The following ADGRL3 variants were observed in gnomAD, a reference collection of about 807,000 sequenced individuals.
The protein encoded by ADGRL3 is adhesion G protein-coupled receptor L3, also known as calcium-independent alpha-latrotoxin receptor 3.
ADGRL3 carries 62 observed loss-of-function variants against 153.5 expected under a neutral mutation model. The observed-to-expected ratio is 0.40, with a 90% CI of 0.33 to 0.50. The LOEUF (loss-of-function observed/expected upper bound fraction) is 0.50, where lower values mean the gene tolerates loss of function less well. ADGRL3 is among the 20% of genes least tolerant of loss of function. The probability of loss-of-function intolerance (pLI) is 0.47; values close to 1 mark genes in which losing one functional copy is unlikely to be tolerated. For synonymous variants in ADGRL3, 710 were observed against 672.5 expected, an observed-to-expected ratio of 1.06 and a Z score of -0.86; for missense variants, 1,641 against 1,859.4, an observed-to-expected ratio of 0.88 and a Z score of 2.16.
At chr4:61,311,983 A>G (rs73216310) in intron 1 of ADGRL3, among the ~76,000 whole-genome samples, 2 of 152,148 alleles carry the variant, frequency 1.3e-5, no homozygotes, top group African/African-American at 2.4e-5. Context: ...CTATGCATCT[A>G]TGGGGCAGAG....
chr4:61,579,954 G>A (rs1244874419), intron 4 of ADGRL3, among the ~76,000 whole-genome samples: 1 of 152,010 alleles, frequency 6.6e-6, no homozygotes, highest in African/African-American at 2.4e-5. Context: ...AAGTGTTTTG[G>A]ATTAGATTTT....
At chr4:61,851,399 C>G (rs146067080) in intron 9 of ADGRL3, among the ~76,000 whole-genome samples, 1 of 151,772 alleles carries the variant, frequency 6.6e-6, no homozygotes, top group Non-Finnish European at 1.5e-5. Flanking sequence ...CCTGCCTGGA[C>G]AGCATAACGA....
intron 1 of ADGRL3, among the ~76,000 whole-genome samples, chr4:61,296,824 G>A (rs558545753): frequency 7.9e-5 from 12 of 152,072 alleles, no homozygotes; most frequent in East Asian, 7.7e-4. Context: ...ATATTACTTC[G>A]TGAAAGAAGC....
intron 11 of ADGRL3, among the ~76,000 whole-genome samples, chr4:61,904,269 T>A (rs1183983469): frequency 6.6e-6 from 1 of 151,968 alleles, no homozygotes; most frequent in Non-Finnish European, 1.5e-5. Flanking sequence ...ACTTTCTGGT[T>A]TATAAAACTG....
At chr4:61,333,341 G>T (rs150633914) in intron 1 of ADGRL3, among the ~76,000 whole-genome samples, 2 of 152,024 alleles carry the variant, frequency 1.3e-5, no homozygotes, top group African/African-American at 4.8e-5. Context: ...AACTAATGGG[G>T]TTCTGTTTTA....
chr4:61,571,281 C>A (rs1312306601), intron 4 of ADGRL3, among the ~76,000 whole-genome samples: 1 of 150,676 alleles, frequency 6.6e-6, no homozygotes, highest in East Asian at 2.0e-4. Context: ...TTCAGACTAG[C>A]CTGCACAACA....
At chr4:61,345,201 A>T (rs2095876873) in intron 1 of ADGRL3, among the ~76,000 whole-genome samples, 1 of 152,118 alleles carries the variant, frequency 6.6e-6, no homozygotes, top group South Asian at 2.1e-4. Flanking sequence ...GGATTTAAAA[A>T]TAATTATGTT....
rs78554301 is a variant in ADGRL3 at position 61,959,836 on chromosome 4, G to T, written c.2805+11560G>T. 2.7e-4 allele frequency among the ~76,000 whole-genome samples: 41 copies of T among 152,066 alleles called. No individual in the cohort carries two copies. The East Asian group carries it at 7.9e-3, about 29-fold the overall frequency. On this transcript the variant is annotated intron_variant, in intron 17 of 26. Coordinates refer to ENST00000683033, the MANE Select transcript of ADGRL3 (RefSeq NM_001387552.1). ...AAATATTGAATTTATGATGCTAAAG[G>T]TTGCACAATCCTATTCCTAGTTCTT...
At chr4:61,251,989 T>C (rs1320588766) in intron 1 of ADGRL3, among the ~76,000 whole-genome samples, 2 of 151,994 alleles carry the variant, frequency 1.3e-5, no homozygotes, top group African/African-American at 4.8e-5. Flanking sequence ...GTTCAGGCTA[T>C]TCTTCTGCCT....
At chr4:61,782,404 G>A (rs1472026807) in intron 8 of ADGRL3, among the ~76,000 whole-genome samples, 1 of 152,080 alleles carries the variant, frequency 6.6e-6, no homozygotes, top group Non-Finnish European at 1.5e-5. Flanking sequence ...ATTGCTTATG[G>A]TAATGAAGAA....
chr4:61,473,990 A>G (rs773023642), intron 2 of ADGRL3, among the ~76,000 whole-genome samples: 1 of 152,114 alleles, frequency 6.6e-6, no homozygotes, highest in Non-Finnish European at 1.5e-5. Context: ...AATTGTCAAT[A>G]GGCATTTTGA....
chr4:61,934,841 C>G lies in ADGRL3; in HGVS notation c.2114C>G (p.Ala705Gly). Residue 705 changes from alanine to glycine, a missense_variant and splice_region_variant, in exon 14 of 27, where the codon GCA becomes GGA. Physicochemically the swap from Ala to Gly is moderately conservative, Grantham distance 60 (BLOSUM62 0). Transcript: ENST00000683033. ...GTCATTCTTTTCATCCTCTTGTAGG[C>G]AATGGTCGAGACAGTTAACAACCTC... Reference protein sequence around the residue: ...RERSCRAYVQAMVETVNNLLQ... With the variant: ...RERSCRAYVQGMVETVNNLLQ... 1 of 1,612,790 alleles carries G rather than the reference C, an allele frequency of 6.2e-7. No homozygotes were observed. The highest frequency in any genetic ancestry group is 2.2e-5 in the East Asian group (1 of 44,856).
At chr4:61,444,226 G>A (rs1259950275) in intron 2 of ADGRL3, among the ~76,000 whole-genome samples, 3 of 152,160 alleles carry the variant, frequency 2.0e-5, no homozygotes, top group Non-Finnish European at 4.4e-5. Flanking sequence ...CTGATAAGCA[G>A]TTTTTAGAAA....
intron 6 of ADGRL3, among the ~76,000 whole-genome samples, chr4:61,719,940 C>A (rs1489354308): frequency 3.3e-5 from 5 of 152,006 alleles, no homozygotes; most frequent in African/African-American, 1.2e-4. Flanking sequence ...AATGCTGGCT[C>A]CTTGCTTTCC....
intron 9 of ADGRL3, among the ~76,000 whole-genome samples, chr4:61,855,857 C>T (rs1172153571): frequency 6.6e-6 from 1 of 151,700 alleles, no homozygotes; most frequent in Non-Finnish European, 1.5e-5. Context: ...GAGGATGTTA[C>T]AGTAGAAGGC....
chr4:61,828,796 C>T (rs755739030), intron 9 of ADGRL3, among the ~76,000 whole-genome samples: 10 of 152,202 alleles, frequency 6.6e-5, no homozygotes, highest in Admixed American at 3.3e-4. Flanking sequence ...CCTACACTCA[C>T]GCAGTACTAA....
intron 1 of ADGRL3, among the ~76,000 whole-genome samples, chr4:61,276,663 G>C (rs2093475300): frequency 6.6e-6 from 1 of 151,956 alleles, no homozygotes; most frequent in Non-Finnish European, 1.5e-5. Flanking sequence ...TTTTAGTCAG[G>C]TTTATTTTTC....
At chr4:61,215,620 C>A (rs1033140686) in intron 1 of ADGRL3, among the ~76,000 whole-genome samples, 19 of 141,080 alleles carry the variant, frequency 1.3e-4, no homozygotes, top group African/African-American at 5.1e-4. Context: ...GGCCCGATCT[C>A]GGCTCCCTGC....
At chr4:61,783,767 TTAA>T (rs1427766587) in intron 8 of ADGRL3, among the ~76,000 whole-genome samples, 1 of 152,070 alleles carries the variant, frequency 6.6e-6, no homozygotes, top group African/African-American at 2.4e-5. Flanking sequence ...ATCTATCAAG[TTAA>T]TAATAATAAA....
Sources: gnomAD v4.1 joint callset for allele counts (sites outside exome capture counted in the v4.1 genomes callset) on GRCh38, gnomAD v4.1.1 for gene constraint, MANE v1.5 for transcripts, NCBI Gene and HGNC (gene_info 2026-07-23, HGNC 2026-07-21) for gene names.